The following ANKS1B variants were observed in gnomAD, a reference collection of about 807,000 sequenced individuals.
The protein encoded by ANKS1B is ankyrin repeat and sterile alpha motif domain-containing protein 1B.
In ANKS1B, 36 loss-of-function variants were observed where a neutral mutation model predicts 148.3. The ratio of observed to expected loss-of-function variants is 0.24; its 90% CI spans 0.19 to 0.32. The LOEUF (loss-of-function observed/expected upper bound fraction) is 0.32, where lower values mean the gene tolerates loss of function less well. Among genes scored for constraint, ANKS1B ranks in the 10% least tolerant of loss-of-function variants. The pLI is 1.00. For missense variants in ANKS1B, 1,157 were observed against 1,542.6 expected (o/e 0.75, Z 4.19); for synonymous variants, 542 against 560.8 (o/e 0.97, Z 0.47).
At chr12:99,468,397 A>C (rs1054738908) in intron 10 of ANKS1B, among the ~76,000 whole-genome samples, 5 of 152,362 alleles carry the variant, frequency 3.3e-5, no homozygotes, top group African/African-American at 9.6e-5. Context: ...TTCATGTCTA[A>C]AACAGCAAAA....
chr12:99,087,553 C>T (rs2052351578), intron 15 of ANKS1B, among the ~76,000 whole-genome samples: 2 of 152,192 alleles, frequency 1.3e-5, no homozygotes, highest in African/African-American at 4.8e-5. Context: ...ATACAAATGA[C>T]TTCATTTAGA....
At chr12:99,348,248 G>C (rs112544288) in intron 12 of ANKS1B, among the ~76,000 whole-genome samples, 1,741 of 151,952 alleles carry the variant, frequency 0.011, 11 homozygotes, top group Non-Finnish European at 0.017. Flanking sequence ...ATCCCAGAAA[G>C]AGAGGAGACA....
chr12:99,852,119 G>A (rs1206745872), intron 1 of ANKS1B, among the ~76,000 whole-genome samples: 2 of 152,056 alleles, frequency 1.3e-5, no homozygotes, highest in Non-Finnish European at 2.9e-5. Context: ...AATGGTCAAA[G>A]GTACAAACAC....
chr12:99,282,736 T>C (rs2078641429), intron 12 of ANKS1B, among the ~76,000 whole-genome samples: 1 of 152,186 alleles, frequency 6.6e-6, no homozygotes, highest in South Asian at 2.1e-4. Flanking sequence ...GGATGGAGTT[T>C]TCATTAACTG....
chr12:99,421,324 C>T (rs1356417473), intron 11 of ANKS1B, among the ~76,000 whole-genome samples: 3 of 152,036 alleles, frequency 2.0e-5, no homozygotes, highest in African/African-American at 4.8e-5. Flanking sequence ...TCAATAGGTT[C>T]GGAAGAAAAT....
At chr12:99,853,617 C>T (rs183437889) in intron 1 of ANKS1B, among the ~76,000 whole-genome samples, 67 of 152,176 alleles carry the variant, frequency 4.4e-4, no homozygotes, top group South Asian at 4.1e-4. Flanking sequence ...CTCCCTCTGA[C>T]GTAGCTTACC....
rs75185477 is a variant in ANKS1B at position 98,932,131 on chromosome 12, G to A, written c.2779-99995C>T. ...CTCCAGACCAGGGAAGAGACCAGGG[G>A]GAAACACAAACTAACACAACAAGCT... On this transcript the variant is annotated intron_variant, in intron 17 of 26. Coordinates refer to ENST00000683438, the MANE Select transcript of ANKS1B (RefSeq NM_001352186.2). 5.1e-4 allele frequency among the ~76,000 whole-genome samples: 77 copies of A among 152,226 alleles called. No homozygotes were observed. In the East Asian group the frequency reaches 0.013, roughly 26 times the overall value.
intron 17 of ANKS1B, among the ~76,000 whole-genome samples, chr12:98,985,412 C>G (rs1207707724): frequency 6.6e-6 from 1 of 151,990 alleles, no homozygotes; most frequent in African/African-American, 2.4e-5. Flanking sequence ...TCCCAACTTT[C>G]TATGTCTTTT....
At chr12:98,862,293 C>A (rs983849668) in intron 17 of ANKS1B, among the ~76,000 whole-genome samples, 1 of 152,030 alleles carries the variant, frequency 6.6e-6, no homozygotes, top group African/African-American at 2.4e-5. Context: ...CCATGTATTG[C>A]GGGAGAGTTA....
At chr12:99,354,000 C>G (rs1246892858) in intron 12 of ANKS1B, among the ~76,000 whole-genome samples, 2 of 152,028 alleles carry the variant, frequency 1.3e-5, no homozygotes, top group Admixed American at 1.3e-4. Flanking sequence ...TGCAAATTAA[C>G]TTGATTTCAG....
At chr12:99,387,874 T>C (rs532313610) in intron 12 of ANKS1B, among the ~76,000 whole-genome samples, 2 of 151,880 alleles carry the variant, frequency 1.3e-5, no homozygotes, top group South Asian at 4.1e-4. Flanking sequence ...AATTGTAATT[T>C]ACCAAGTAGA....
chr12:98,814,116 G>C (rs1419672271), intron 19 of ANKS1B, among the ~76,000 whole-genome samples: 1 of 151,854 alleles, frequency 6.6e-6, no homozygotes, highest in Non-Finnish European at 1.5e-5. Context: ...CTGACCTCAG[G>C]TGATCTGCCT....
chr12:99,604,033 T>C (rs932128501), intron 9 of ANKS1B, among the ~76,000 whole-genome samples: 2 of 152,086 alleles, frequency 1.3e-5, no homozygotes, highest in African/African-American at 4.8e-5. Flanking sequence ...GACACAACAC[T>C]TTACAATTCT....
At chr12:98,868,351 C>T (rs2099636168) in intron 17 of ANKS1B, among the ~76,000 whole-genome samples, 1 of 152,118 alleles carries the variant, frequency 6.6e-6, no homozygotes, top group Non-Finnish European at 1.5e-5. Flanking sequence ...ACTAGGAATC[C>T]AGCTGTCTGG....
At chr12:99,220,575 C>A (rs774937330) in intron 14 of ANKS1B, among the ~76,000 whole-genome samples, 2 of 150,964 alleles carry the variant, frequency 1.3e-5, no homozygotes, top group South Asian at 2.1e-4. Flanking sequence ...GCCTCCCAAG[C>A]AGCTGGGACT....
chr12:99,785,318 C>A (rs545003530), intron 4 of ANKS1B, among the ~76,000 whole-genome samples: 1 of 150,038 alleles, frequency 6.7e-6, no homozygotes, highest in South Asian at 2.1e-4. Flanking sequence ...TGAATAGTGT[C>A]AAGGTAGCAA....
rs2099834297 is a variant in ANKS1B, at chr12:98,940,145, C to A, written c.2779-108009G>T. ...ACTCCTCTCTTCTGTCAGTTGGGTC[C>A]CATGGGGTCCACTGGCAGGACCCAC... On this transcript the variant is annotated intron_variant, in intron 17 of 26. Coordinates refer to ENST00000683438, the MANE Select transcript of ANKS1B (RefSeq NM_001352186.2). Among the ~76,000 whole-genome samples the A allele has an allele frequency of 2.6e-5, 4 of 152,188 alleles. No homozygotes were observed. In the South Asian group the frequency reaches 8.3e-4, roughly 32 times the overall value.
intron 17 of ANKS1B, among the ~76,000 whole-genome samples, chr12:99,018,441 T>G (rs73384702): frequency 0.014 from 2,188 of 152,302 alleles, 50 homozygotes; most frequent in African/African-American, 0.05. Context: ...AACATTTTGA[T>G]GCTGACTCCC....
chr12:99,979,402 T>C (rs1224704917), intron 1 of ANKS1B, among the ~76,000 whole-genome samples: 1 of 152,146 alleles, frequency 6.6e-6, no homozygotes, highest in East Asian at 1.9e-4. Context: ...CACAAGATAA[T>C]TTTCTATGAT....
Sources: gnomAD v4.1 joint callset for allele counts (sites outside exome capture counted in the v4.1 genomes callset) on GRCh38, gnomAD v4.1.1 for gene constraint, MANE v1.5 for transcripts, NCBI Gene and HGNC (gene_info 2026-07-23, HGNC 2026-07-21) for gene names.